Variants in STK32A observed in about 807,000 individuals in gnomAD.
STK32A encodes the protein serine/threonine-protein kinase 32A.
In STK32A, 41 loss-of-function variants were observed where a neutral mutation model predicts 53.2. That is an observed-to-expected ratio of 0.77 (90% CI 0.60 to 1.00). STK32A has a LOEUF of 1.00. Ranked by LOEUF, STK32A falls within the 50% of genes least tolerant of loss-of-function variation. The probability of loss-of-function intolerance (pLI) is 0.00; values close to 1 mark genes in which losing one functional copy is unlikely to be tolerated. For missense variants in STK32A, 458 were observed against 485.8 expected (o/e 0.94, Z 0.54); for synonymous variants, 166 against 162.8 (o/e 1.02, Z -0.15).
At chr5:147,243,184 T>C (rs1187017019) in intron 2 of STK32A, among the ~76,000 whole-genome samples, 1 of 68,404 alleles carries the variant, frequency 1.5e-5, no homozygotes, top group Non-Finnish European at 3.3e-5. Context: ...ATTTCCAATA[T>C]ATAGATATGA....
At chr5:147,388,079 C>T (rs370318255), downstream of STK32A, among the ~76,000 whole-genome samples, 3 of 152,276 alleles carry the variant, frequency 2.0e-5, no homozygotes, top group Admixed American at 6.5e-5. Context: ...ACTAAAAATC[C>T]TTACCTCTCT....
In STK32A at chr5:147,367,534, T is replaced by C. The variant is rs544852130; in HGVS notation, c.661-3120T>C. ...CGAAGGGAGATAGGAGTGGGGCCGT[T>C]TTATAAGATTTGGGTAGGTAAAGGA... is the stretch of plus-strand genomic sequence containing the variant. On this transcript the variant is annotated intron_variant, in intron 8 of 12. Transcript: ENST00000397936. Among the ~76,000 whole-genome samples, 20 of 151,888 alleles carry C rather than the reference T, an allele frequency of 1.3e-4. 1 individual carries two copies. The highest frequency in any genetic ancestry group is 4.3e-4 in the African/African-American group (18 of 41,434).
At chr5:147,332,942 G>A (rs10477336) in intron 5 of STK32A, among the ~76,000 whole-genome samples, 27,104 of 152,202 alleles carry the variant, frequency 0.18, 2,672 homozygotes, top group East Asian at 0.28. Context: ...AAAAGGCAAA[G>A]AGAACTGTCT....
intron 2 of STK32A, among the ~76,000 whole-genome samples, chr5:147,258,348 T>C (rs945555186): frequency 9.9e-5 from 15 of 152,230 alleles, no homozygotes; most frequent in African/African-American, 3.4e-4. Flanking sequence ...TATTTGTTTA[T>C]TTTTAAACTT....
At chr5:147,362,210 C>T (rs374180705) in intron 8 of STK32A, among the ~76,000 whole-genome samples, 1 of 152,166 alleles carries the variant, frequency 6.6e-6, no homozygotes, top group African/African-American at 2.4e-5. Flanking sequence ...TAGAAATACA[C>T]TCCTTAGGTT....
At chr5:147,280,283 G>A (rs1751990284) in intron 4 of STK32A, among the ~76,000 whole-genome samples, 1 of 152,046 alleles carries the variant, frequency 6.6e-6, no homozygotes, top group Admixed American at 6.5e-5. Flanking sequence ...CAAATCCAGT[G>A]TGCAGACTCC....
At chr5:147,355,428 CTT>C (rs1756171200) in intron 7 of STK32A, among the ~76,000 whole-genome samples, 1 of 152,014 alleles carries the variant, frequency 6.6e-6, no homozygotes, top group Non-Finnish European at 1.5e-5. Flanking sequence ...AATCCCAGCA[CTT>C]TGGGAGGCCG....
chr5:147,265,612 T>C (rs1213211917), intron 2 of STK32A, among the ~76,000 whole-genome samples: 5 of 152,174 alleles, frequency 3.3e-5, no homozygotes, highest in African/African-American at 4.8e-5. Context: ...GTTTTCCTTC[T>C]CTGCTTGGGG....
intron 5 of STK32A, among the ~76,000 whole-genome samples, chr5:147,332,249 T>C (rs547059338): frequency 1.3e-5 from 2 of 152,158 alleles, no homozygotes; most frequent in South Asian, 4.1e-4. Context: ...GTCAAGTCCA[T>C]TGGCTTTAGT....
chr5:147,355,786 G>GTATATATATATA (rs1421118282), intron 7 of STK32A, among the ~76,000 whole-genome samples: 9 of 128,356 alleles, frequency 7.0e-5, no homozygotes, highest in African/African-American at 2.5e-4. Context: ...GTGTGAGTGT[G>GTATATATATATA]TGTGTGTATA....
intron 2 of STK32A, among the ~76,000 whole-genome samples, chr5:147,260,295 G>C (rs1177983803): frequency 3.4e-5 from 4 of 117,378 alleles, no homozygotes; most frequent in African/African-American, 1.3e-4. Context: ...TCTCTCGCCT[G>C]TCTCTCTCTC....
chr5:147,260,934 A>G (rs921736756), intron 2 of STK32A, among the ~76,000 whole-genome samples: 7 of 152,222 alleles, frequency 4.6e-5, no homozygotes, highest in Non-Finnish European at 7.3e-5. Context: ...CCACCAAGGA[A>G]GCACTTTACC....
chr5:147,400,131 C>CT, the STK32A span, among the ~76,000 whole-genome samples: 1 of 152,166 alleles, frequency 6.6e-6, no homozygotes. Flanking sequence ...TTACTAAAAT[C>CT]TTTGAAAGAG....
Position 147,246,153 on chromosome 5 carries a change from A to G in STK32A, c.52+6467A>G, listed in dbSNP as rs189200668. Among the ~76,000 whole-genome samples, 90 of 152,334 alleles carry G rather than the reference A, an allele frequency of 5.9e-4. 1 individual carries two copies. The Middle Eastern group carries it at 0.017, about 29-fold the overall frequency. On this transcript the variant is annotated intron_variant, in intron 2 of 12. Coordinates refer to ENST00000397936, the MANE Select transcript of STK32A (RefSeq NM_001112724.2). ...GGAAAAGTTAAAGGAAAATTTCCCT[A>G]GCAAGAATTGGCTTCTTAAAAAAAT...
chr5:147,318,775 C>CAATAAAAAA (rs1754145549), intron 4 of STK32A, among the ~76,000 whole-genome samples: 1 of 135,434 alleles, frequency 7.4e-6, no homozygotes. Context: ...GACCCTGTCT[C>CAATAAAAAA]AAAAAAAAAA....
intron 4 of STK32A, among the ~76,000 whole-genome samples, chr5:147,295,035 C>T (rs563127111): frequency 2.2e-4 from 34 of 152,232 alleles, no homozygotes; most frequent in Admixed American, 5.9e-4. Context: ...CTCTTAGGAA[C>T]GCTAATTTAC....
chr5:147,355,798 A>G (rs1477022149), intron 7 of STK32A, among the ~76,000 whole-genome samples: 42 of 150,650 alleles, frequency 2.8e-4, no homozygotes, highest in African/African-American at 8.8e-4. Flanking sequence ...GTGTGTATAT[A>G]TATATATATA....
At chr5:147,345,843 T>C (rs149599219) in intron 6 of STK32A, among the ~76,000 whole-genome samples, 65 of 152,248 alleles carry the variant, frequency 4.3e-4, no homozygotes, top group African/African-American at 1.4e-3. Context: ...TAAAATTTGG[T>C]CAGTGAATTA....
chr5:147,313,656 G>T lies in STK32A; in HGVS notation c.261-10242G>T, dbSNP rs138371665. ...TGAAAAAGAAGAGCAAAGTTGGAGG[G>T]CTCATACTTTTCAGTTTCGAAAGTT... On this transcript the variant is annotated intron_variant, in intron 4 of 12. Coordinates refer to ENST00000397936, the MANE Select transcript of STK32A (RefSeq NM_001112724.2). Among the ~76,000 whole-genome samples, 912 of 152,306 alleles carry T rather than the reference G, an allele frequency of 6.0e-3. 7 individuals carry two copies. The highest frequency in any genetic ancestry group is 0.016 in the South Asian group (77 of 4,826).
Sources: allele counts gnomAD v4.1 joint callset (sites outside exome capture counted in the v4.1 genomes callset), GRCh38; gene constraint gnomAD v4.1.1; transcripts MANE v1.5; gene names NCBI Gene and HGNC (gene_info 2026-07-23, HGNC 2026-07-21).